ABR: variants seen among roughly 807,000 people sequenced by gnomAD.
The protein encoded by ABR is active breakpoint cluster region-related protein.
A neutral mutation model predicts 107.2 loss-of-function variants in ABR; 35 were observed. That is an observed-to-expected ratio of 0.33 (90% CI 0.25 to 0.43). The LOEUF is 0.43. Among genes scored for constraint, ABR ranks in the 20% least tolerant of loss-of-function variants. The probability of loss-of-function intolerance (pLI) is 1.00; values close to 1 mark genes in which losing one functional copy is unlikely to be tolerated. For synonymous variants in ABR, 498 were observed against 462.0 expected (o/e 1.08, Z -1.00); for missense variants, 815 against 1,115.2 (o/e 0.73, Z 3.83).
intron 1 of ABR, among the ~76,000 whole-genome samples, chr17:1,212,294 GGTGGTACATGCCT>G (rs2042917839): frequency 6.6e-6 from 1 of 151,970 alleles, no homozygotes; most frequent in East Asian, 1.9e-4. Context: ...AGCCAGGTGT[GGTGGTACATGCCT>G]GTGGTCCCAG....
Position 1,010,108 on chromosome 17 carries a change from A to C in ABR, c.2237-324T>G. ...CCCCTGGTCTGTGTGGCTAAGGTTA[A>C]GCCAGTAGGGACATATCCTGCCAGC... On this transcript the variant is annotated intron_variant, in intron 20 of 22. Coordinates refer to ENST00000302538, the MANE Select transcript of ABR (RefSeq NM_021962.5). This position sits in a 1 kb window ranked among gnomAD's most constrained non-coding sequence, Gnocchi z 4.1. The C allele has an allele frequency of 2.4e-6, 1 of 423,746 alleles. No homozygotes were observed. Among genetic ancestry groups the C allele is most frequent in the Non-Finnish European group, 4.4e-6 (1 of 229,208 alleles). 26.2% of individuals were successfully genotyped at this position (423,746 alleles called of 1,614,324 possible). A position where few individuals can be genotyped will look rare whatever the true frequency, so the allele number is the denominator to read the frequency against.
At chr17:1,008,640 C>T (rs940247579) in intron 21 of ABR, among the ~76,000 whole-genome samples, 3 of 152,238 alleles carry the variant, frequency 2.0e-5, no homozygotes, top group Non-Finnish European at 2.9e-5. Flanking sequence ...AAGACACCAG[C>T]CCCGGGCGCG....
intron 16 of ABR, among the ~76,000 whole-genome samples, chr17:1,020,113 G>A (rs1416590223): frequency 2.6e-5 from 4 of 151,888 alleles, no homozygotes; most frequent in East Asian, 1.9e-4. Flanking sequence ...AGACGGAGTC[G>A]CACTCTGTCG....
intron 1 of ABR, among the ~76,000 whole-genome samples, chr17:1,127,125 G>A (rs956354719): frequency 6.6e-5 from 10 of 152,156 alleles, no homozygotes; most frequent in South Asian, 4.1e-4. Flanking sequence ...TGCTTCTGTC[G>A]GCTGCCTCTC....
intron 1 of ABR, among the ~76,000 whole-genome samples, chr17:1,134,505 A>T (rs1443928366): frequency 4.6e-5 from 7 of 152,216 alleles, no homozygotes; most frequent in Admixed American, 3.3e-4. Flanking sequence ...CACTAGGAAG[A>T]GCCTGTCTCA....
intron 1 of ABR, among the ~76,000 whole-genome samples, chr17:1,164,248 G>A (rs2041414296): frequency 6.6e-6 from 1 of 151,452 alleles, no homozygotes; most frequent in African/African-American, 2.4e-5. Flanking sequence ...GGAGGATCTA[G>A]GTAGGACGGA....
chr17:1,101,922 C>G (rs369909178), intron 2 of ABR, among the ~76,000 whole-genome samples: 7 of 151,812 alleles, frequency 4.6e-5, no homozygotes, highest in African/African-American at 1.5e-4. Flanking sequence ...TTTAGTAGAG[C>G]CGGGATTTCA....
rs965254421 is a variant in ABR, at chr17:1,072,815, G to A, written c.754-61C>T. 5.4e-5 allele frequency: 84 copies of A among 1,567,594 alleles called. 1 individual carries two copies. Among genetic ancestry groups the A allele is most frequent in the African/African-American group, 2.5e-4 (18 of 73,066 alleles). ...CTCTGGGGCCTGATGTGTGGCCACC[G>A]GGGAGTGCTCAGTCCCCATCCAAAG... On this transcript the variant is annotated intron_variant, in intron 7 of 22. Coordinates refer to ENST00000302538, the MANE Select transcript of ABR (RefSeq NM_021962.5).
intron 16 of ABR, among the ~76,000 whole-genome samples, chr17:1,024,522 C>T (rs2072012039): frequency 6.6e-6 from 1 of 152,190 alleles, no homozygotes. Context: ...CACGGGGGCT[C>T]CCGCCTGTAA....
Position 1,027,186 on chromosome 17 carries a change from G to A in ABR, c.1792-14022C>T, listed in dbSNP as rs1337307623. Among the ~76,000 whole-genome samples, 1 of 152,196 alleles carries A rather than the reference G, an allele frequency of 6.6e-6. No homozygotes were observed. The highest frequency in any genetic ancestry group is 2.4e-5 in the African/African-American group (1 of 41,438). On this transcript the variant is annotated intron_variant, in intron 16 of 22. Coordinates refer to ENST00000302538, the MANE Select transcript of ABR (RefSeq NM_021962.5). This position sits in a 1 kb window ranked among gnomAD's most constrained non-coding sequence, Gnocchi z 4.7. ...TTTGAGGAACCCCCTTGATTGGCAG[G>A]TTCTCCTCTCCCTGGTCCAGAGCCA...
chr17:1,029,740 G>A (rs564061289), intron 16 of ABR, among the ~76,000 whole-genome samples: 30 of 152,308 alleles, frequency 2.0e-4, no homozygotes, highest in Admixed American at 3.3e-4. Context: ...TGACTCTGCT[G>A]CTCACCCGCT....
Position 1,078,999 on chromosome 17 carries a change from T to C in ABR, c.700+331A>G. Reference sequence around the variant, plus strand: ...TCGGGCAGCCGCTCCGGAGTGCTCTTCCAGCAAGGGGGAGGGGAGGGAGGC... The same window carrying C: ...TCGGGCAGCCGCTCCGGAGTGCTCTCCCAGCAAGGGGGAGGGGAGGGAGGC... On this transcript the variant is annotated intron_variant, in intron 6 of 22. Transcript: ENST00000302538. The surrounding 1 kb of genome is among the most constrained non-coding windows in gnomAD (Gnocchi z 7.5). 7.9e-7 allele frequency: 1 copy of C among 1,268,610 alleles called. No homozygotes were observed. The highest frequency in any genetic ancestry group is 2.6e-5 in the Admixed American group (1 of 38,476). The allele number at this position is 1,268,610 out of a possible 1,614,324, so 78.6% of individuals were successfully genotyped here. A position where few individuals can be genotyped will look rare whatever the true frequency, so the allele number is the denominator to read the frequency against.
chr17:1,099,256 G>A (rs2037708083), intron 3 of ABR, among the ~76,000 whole-genome samples: 1 of 151,826 alleles, frequency 6.6e-6, no homozygotes, highest in South Asian at 2.1e-4. Flanking sequence ...TGCATTTCTA[G>A]CAGAGACAAG....
upstream of ABR, among the ~76,000 whole-genome samples, chr17:1,190,399 C>T (rs528907030): frequency 6.7e-4 from 102 of 152,234 alleles, no homozygotes; most frequent in Non-Finnish European, 5.0e-4. Context: ...TTTGGGAGGC[C>T]GAGGCGGGTG....
intron 1 of ABR, among the ~76,000 whole-genome samples, chr17:1,145,096 T>C (rs886520064): frequency 6.6e-6 from 1 of 152,014 alleles, no homozygotes; most frequent in African/African-American, 2.4e-5. Context: ...TCTGAGTTCG[T>C]TTGGGTTATC....
chr17:1,146,271 AC>A (rs2040520064), intron 1 of ABR, among the ~76,000 whole-genome samples: 2 of 143,534 alleles, frequency 1.4e-5, no homozygotes, highest in Non-Finnish European at 3.0e-5. Context: ...ACACACACAC[AC>A]ACACACACAC....
chr17:1,227,708 G>C (rs945278752), intron 1 of ABR, among the ~76,000 whole-genome samples: 8 of 152,060 alleles, frequency 5.3e-5, no homozygotes, highest in African/African-American at 1.9e-4. Flanking sequence ...GACCCAACCG[G>C]ACACCACCAG....
At chr17:1,006,427 G>T (rs1257431411) in intron 22 of ABR, among the ~76,000 whole-genome samples, 1 of 152,154 alleles carries the variant, frequency 6.6e-6, no homozygotes, top group African/African-American at 2.4e-5. Flanking sequence ...CCCTGCTCTG[G>T]GTCTTGCAGG....
At position 1,050,277 on chromosome 17, in the gene ABR, T is replaced by A; in HGVS notation, c.1660-96A>T. 1.4e-6 allele frequency: 2 copies of A among 1,458,604 alleles called. No individual in the cohort carries two copies. The highest frequency in any genetic ancestry group is 1.8e-6 in the Non-Finnish European group (2 of 1,081,836). The allele number at this position is 1,458,604 out of a possible 1,614,324, so 90.4% of individuals were successfully genotyped here. On this transcript the variant is annotated intron_variant, in intron 15 of 22. Transcript: ENST00000302538. The surrounding 1 kb of genome is among the most constrained non-coding windows in gnomAD (Gnocchi z 4.6). ...CCTCAGCTTTGCAAGGAGGAGGGAGTAAGCACGGCCCACGAAGGACACGTC... is the reference window on the plus strand; with the variant it reads ...CCTCAGCTTTGCAAGGAGGAGGGAGAAAGCACGGCCCACGAAGGACACGTC...
Sources: gnomAD v4.1 joint callset for allele counts (sites outside exome capture counted in the v4.1 genomes callset) on GRCh38, gnomAD v4.1.1 for gene constraint, Gnocchi (gnomAD v3.1) non-coding constraint, MANE v1.5 for transcripts, NCBI Gene and HGNC (gene_info 2026-07-23, HGNC 2026-07-21) for gene names.